NEXMIF: variants seen among roughly 807,000 people sequenced by gnomAD.
NEXMIF encodes the protein neurite extension and migration factor.
NEXMIF carries 8 observed loss-of-function variants against 62.1 expected under a neutral mutation model. The ratio of observed to expected loss-of-function variants is 0.13; its 90% CI spans 0.08 to 0.23. NEXMIF has a LOEUF of 0.23. NEXMIF is among the 10% of genes least tolerant of loss of function. The pLI, the probability that NEXMIF is intolerant of heterozygous loss-of-function variation, is 1.00. For synonymous variants in NEXMIF, 404 were observed against 416.6 expected, an observed-to-expected ratio of 0.97 and a Z score of 0.37; for missense variants, 976 against 1,113.3, an observed-to-expected ratio of 0.88 and a Z score of 1.75.
intron 1 of NEXMIF, among the ~76,000 whole-genome samples, chrX:74,874,901 G>A (rs373619479): frequency 3.1e-4 from 33 of 107,941 alleles, no homozygotes; most frequent in Admixed American, 2.6e-3. Flanking sequence ...GGGCTGAGAC[G>A]ATGGGGTTTT....
At chrX:74,753,508 TTTTG>T (rs2080150110) in intron 1 of NEXMIF, among the ~76,000 whole-genome samples, 1 of 111,882 alleles carries the variant, frequency 8.9e-6, no homozygotes, top group South Asian at 3.7e-4. Context: ...GCTACTAACT[TTTTG>T]TTTGTCTTTA....
At position 74,744,420 on chromosome X, in the gene NEXMIF, G is replaced by C; in HGVS notation, c.137C>G (p.Pro46Arg). 1 of 1,208,221 alleles carries C rather than the reference G, an allele frequency of 8.3e-7. No individual in the cohort carries two copies. Among genetic ancestry groups the C allele is most frequent in the Non-Finnish European group, 1.1e-6 (1 of 893,580 alleles). The change falls in exon 3 of 4, where the codon CCT (proline) becomes CGT (arginine). Residue 46 changes from proline (P) to arginine (R), a missense_variant. Physicochemically the swap from Pro to Arg is moderately radical, Grantham distance 103. Around this residue, in one of 5 missense-constraint regions of NEXMIF, gnomAD observed 126 missense variants for 146.5 expected, o/e 0.86. Coordinates refer to ENST00000055682, the MANE Select transcript of NEXMIF (RefSeq NM_001008537.3). ...TTGTGCCACCGGTGTAGGCTGGATA[G>C]GTGCAGCAGCTTCTAGAGCTGCAAA... is the stretch of plus-strand genomic sequence containing the variant. ...KSFAALEAAA[P>R]IQPTPVAQKE...
intron 1 of NEXMIF, among the ~76,000 whole-genome samples, chrX:74,875,961 A>G (rs1392865720): frequency 1.8e-5 from 2 of 110,848 alleles, no homozygotes; most frequent in Admixed American, 1.9e-4. Flanking sequence ...AGATTCATTA[A>G]TTTTTTGAAG....
chrX:74,913,176 A>G (rs1265200049), intron 1 of NEXMIF, among the ~76,000 whole-genome samples: 1 of 112,441 alleles, frequency 8.9e-6, no homozygotes, highest in Non-Finnish European at 1.9e-5. Flanking sequence ...TAAACCAGCC[A>G]TCACAAAAAT....
intron 1 of NEXMIF, among the ~76,000 whole-genome samples, chrX:74,774,825 G>A (rs1176696231): frequency 9.0e-6 from 1 of 111,490 alleles, no homozygotes; most frequent in Non-Finnish European, 1.9e-5. Flanking sequence ...AGGATAGAGA[G>A]GTGCAGCAAA....
At chrX:74,878,958 T>C (rs962870548) in intron 1 of NEXMIF, among the ~76,000 whole-genome samples, 1 of 112,768 alleles carries the variant, frequency 8.9e-6, no homozygotes, top group Non-Finnish European at 1.9e-5. Context: ...TCTGCGTCGC[T>C]CATGCTGGGA....
intron 1 of NEXMIF, among the ~76,000 whole-genome samples, chrX:74,833,141 G>A (rs2080444277): frequency 4.5e-5 from 5 of 111,828 alleles, no homozygotes; most frequent in East Asian, 2.8e-4. Context: ...GTTCTATAGA[G>A]AAGATTAAGT....
chrX:74,865,537 A>G (rs1472948343), intron 1 of NEXMIF, among the ~76,000 whole-genome samples: 2 of 112,519 alleles, frequency 1.8e-5, no homozygotes, highest in South Asian at 3.7e-4. Flanking sequence ...AGAAATTTGC[A>G]TAAATAACAA....
At chrX:74,885,581 C>T (rs1218349211) in intron 1 of NEXMIF, among the ~76,000 whole-genome samples, 2 of 111,522 alleles carry the variant, frequency 1.8e-5, no homozygotes, top group Non-Finnish European at 3.8e-5. Context: ...CATACACCCT[C>T]CCAAGACTAA....
intron 1 of NEXMIF, among the ~76,000 whole-genome samples, chrX:74,778,084 A>G (rs1284842665): frequency 1.8e-5 from 2 of 111,860 alleles, no homozygotes; most frequent in African/African-American, 6.5e-5. Context: ...CAACCAACTT[A>G]TAAAGACTGT....
chrX:74,873,129 A>G (rs1248722201), intron 1 of NEXMIF, among the ~76,000 whole-genome samples: 1 of 110,176 alleles, frequency 9.1e-6, no homozygotes, highest in African/African-American at 3.3e-5. Flanking sequence ...TCCCAATGCT[A>G]TCCCTCCCCC....
intron 1 of NEXMIF, among the ~76,000 whole-genome samples, chrX:74,748,876 A>T (rs2080133563): frequency 8.9e-6 from 1 of 111,746 alleles, no homozygotes; most frequent in Non-Finnish European, 1.9e-5. Context: ...CAAGGCAAGA[A>T]AGTAAGTCCT....
intron 1 of NEXMIF, among the ~76,000 whole-genome samples, chrX:74,755,954 C>T (rs1246045843): frequency 2.7e-5 from 3 of 111,877 alleles, no homozygotes; most frequent in African/African-American, 9.7e-5. Context: ...ACGCTCACTG[C>T]AACCTCTGCC....
chrX:74,824,427 C>T (rs1020199359), intron 1 of NEXMIF, among the ~76,000 whole-genome samples: 1 of 111,850 alleles, frequency 8.9e-6, no homozygotes, highest in African/African-American at 3.2e-5. Context: ...ATCTATGTTA[C>T]TGTAAATGAC....
At chrX:74,873,951 A>G (rs2080616253) in intron 1 of NEXMIF, among the ~76,000 whole-genome samples, 1 of 110,450 alleles carries the variant, frequency 9.1e-6, no homozygotes, top group Non-Finnish European at 1.9e-5. Context: ...CTGCCTGTTC[A>G]CTCTGATGGT....
At chrX:74,866,672 C>A (rs1326722039) in intron 1 of NEXMIF, among the ~76,000 whole-genome samples, 3 of 112,593 alleles carry the variant, frequency 2.7e-5, no homozygotes, top group African/African-American at 9.7e-5. Context: ...ATAATTGAAT[C>A]ATGGGAGTGG....
At chrX:74,822,452 C>T (rs73216278) in intron 1 of NEXMIF, among the ~76,000 whole-genome samples, 2 of 111,724 alleles carry the variant, frequency 1.8e-5, no homozygotes, top group African/African-American at 6.5e-5. Context: ...AATGGAGAAA[C>T]AACTCACAGA....
At chrX:74,796,719 A>G (rs1194409111) in intron 1 of NEXMIF, among the ~76,000 whole-genome samples, 1 of 111,601 alleles carries the variant, frequency 9.0e-6, no homozygotes, top group Non-Finnish European at 1.9e-5. Context: ...AGCCCAAAGT[A>G]TAAAATAAAT....
chrX:74,890,563 T>C (rs754711349), intron 1 of NEXMIF, among the ~76,000 whole-genome samples: 134 of 111,893 alleles, frequency 1.2e-3, no homozygotes, highest in African/African-American at 4.2e-3. Context: ...TATGTACATA[T>C]CATCAAACAT....
Sources: allele counts gnomAD v4.1 joint callset (sites outside exome capture counted in the v4.1 genomes callset), GRCh38; gene constraint gnomAD v4.1.1; regional missense constraint gnomAD v4.1.1; transcripts MANE v1.5; gene names NCBI Gene and HGNC (gene_info 2026-07-23, HGNC 2026-07-21).